KLHL22: variants seen among roughly 807,000 people sequenced by gnomAD.
KLHL22 encodes kelch like family member 22, also known as kelch-like protein 22.
KLHL22 carries 18 observed loss-of-function variants against 60.7 expected under a neutral mutation model. That is an observed-to-expected ratio of 0.30 (90% CI 0.20 to 0.44). The LOEUF (loss-of-function observed/expected upper bound fraction) is 0.44, where lower values mean the gene tolerates loss of function less well. Ranked by LOEUF, KLHL22 falls within the 20% of genes least tolerant of loss-of-function variation. The probability of loss-of-function intolerance (pLI) is 1.00; values close to 1 mark genes in which losing one functional copy is unlikely to be tolerated. For missense variants in KLHL22, 596 were observed against 852.3 expected, an observed-to-expected ratio of 0.70 and a Z score of 3.74; for synonymous variants, 355 against 354.5, an observed-to-expected ratio of 1.00 and a Z score of -0.01.
rs765043448 is a variant in KLHL22, at chr22:20,489,158, T to C, written c.54A>G (p.Ser18=). The change falls in exon 2 of 7, where the codon TCA becomes TCG. Residue 18 remains serine, a synonymous_variant. Transcript: ENST00000328879. ...AGGTGTTGTTCACGCAGTGTGGGTG[T>C]GAGGGCTGTGCAGGCAACTTGCAGA... ...TQLCKLPAQP[S]HPHCVNNTYR... is the part of the protein sequence containing the mutation. 2.5e-6 allele frequency: 4 copies of C among 1,614,016 alleles called. No individual in the cohort carries two copies. Among genetic ancestry groups the C allele is most frequent in the Non-Finnish European group, 3.4e-6 (4 of 1,180,042 alleles).
At chr22:20,487,972 T>C (rs185229347) in intron 2 of KLHL22, among the ~76,000 whole-genome samples, 35 of 152,230 alleles carry the variant, frequency 2.3e-4, no homozygotes, top group African/African-American at 8.2e-4. Flanking sequence ...TTAATGCTTA[T>C]TAAAGGCCTC....
intron 2 of KLHL22, among the ~76,000 whole-genome samples, chr22:20,476,132 C>A (rs1255432498): frequency 6.6e-6 from 1 of 152,318 alleles, no homozygotes; most frequent in Non-Finnish European, 1.5e-5. Flanking sequence ...ATTTGGAAGT[C>A]TTATAAGTCA....
intron 5 of KLHL22, among the ~76,000 whole-genome samples, chr22:20,448,824 C>T (rs2052924454): frequency 6.6e-6 from 1 of 152,084 alleles, no homozygotes; most frequent in South Asian, 2.1e-4. Context: ...ATTTCACATT[C>T]CTATCAGCAA....
intron 1 of KLHL22, among the ~76,000 whole-genome samples, chr22:20,493,832 G>A (rs1347447745): frequency 1.3e-5 from 2 of 149,626 alleles, no homozygotes; most frequent in Non-Finnish European, 3.0e-5. Context: ...GGAGGCCAAC[G>A]TGGGAGGATC....
chr22:20,482,480 C>T (rs1191944727), intron 2 of KLHL22, among the ~76,000 whole-genome samples: 1 of 152,132 alleles, frequency 6.6e-6, no homozygotes, highest in African/African-American at 2.4e-5. Context: ...TAGCCTTGAC[C>T]TCCCCAGGTT....
intron 4 of KLHL22, among the ~76,000 whole-genome samples, chr22:20,460,303 C>T (rs1031454599): frequency 5.9e-4 from 89 of 152,112 alleles, no homozygotes; most frequent in African/African-American, 2.1e-3. Flanking sequence ...GGATTTGTGG[C>T]TTCAAATTTA....
At chr22:20,475,015 C>T (rs187211739) in intron 2 of KLHL22, among the ~76,000 whole-genome samples, 105 of 152,294 alleles carry the variant, frequency 6.9e-4, no homozygotes, top group Middle Eastern at 6.8e-3. Context: ...AGAAAATCTC[C>T]TTATATGTTA....
chr22:20,444,256 C>T (rs1463015874), intron 6 of KLHL22, among the ~76,000 whole-genome samples: 1 of 152,092 alleles, frequency 6.6e-6, no homozygotes, highest in Non-Finnish European at 1.5e-5. Context: ...ATTCTTCTAA[C>T]CAGAGTGAGC....
intron 2 of KLHL22, among the ~76,000 whole-genome samples, chr22:20,485,724 C>T (rs1347736535): frequency 3.9e-5 from 6 of 151,982 alleles, no homozygotes; most frequent in African/African-American, 9.7e-5. Context: ...AAAAATTAGC[C>T]GGGTTTGGTG....
Position 20,441,861 on chromosome 22 carries a change from G to A in KLHL22, c.*212C>T, listed in dbSNP as rs896082575. On this transcript the variant is annotated 3_prime_UTR_variant, in exon 7 of 7. Transcript: ENST00000328879. ...GCCTTTCAGAAGCAGTTCCTGCAGT[G>A]ACGTAATCCACAGCCTGGGATCTGC... The A allele has an allele frequency of 2.3e-6, 1 of 435,572 alleles. No homozygotes were observed. The highest frequency in any genetic ancestry group is 4.0e-6 in the Non-Finnish European group (1 of 252,454). 27.0% of individuals were successfully genotyped at this position (435,572 alleles called of 1,614,324 possible). A position where few individuals can be genotyped will look rare whatever the true frequency, so the allele number is the denominator to read the frequency against.
chr22:20,472,497 G>A (rs1010349046), intron 2 of KLHL22, among the ~76,000 whole-genome samples: 2 of 151,426 alleles, frequency 1.3e-5, no homozygotes, highest in Middle Eastern at 3.2e-3. Context: ...AGGGCAAGGC[G>A]GGCAGATCAC....
rs569587425 is a variant in KLHL22 at position 20,486,743 on chromosome 22, G to A, written c.227+2242C>T. On this transcript the variant is annotated intron_variant, in intron 2 of 6. Transcript: ENST00000328879. Reference sequence around the variant, plus strand: ...GTTGCCCAGGCTGGAATGCAGTGGCGCAATCTCGGCTCACTGCAACCTCCG... The same window carrying A: ...GTTGCCCAGGCTGGAATGCAGTGGCACAATCTCGGCTCACTGCAACCTCCG... Among the ~76,000 whole-genome samples, 20 of 150,176 alleles carry A rather than the reference G, an allele frequency of 1.3e-4. 1 individual carries two copies. The East Asian group carries it at 1.8e-3, about 13-fold the overall frequency.
intron 2 of KLHL22, among the ~76,000 whole-genome samples, chr22:20,484,677 C>G (rs1280986866): frequency 6.6e-6 from 1 of 151,902 alleles, no homozygotes; most frequent in East Asian, 1.9e-4. Flanking sequence ...AACAATCTGC[C>G]CACCTTGGCC....
chr22:20,451,439 A>T (rs1011381389), intron 5 of KLHL22: 1 of 1,606,128 alleles, frequency 6.2e-7, no homozygotes, highest in African/African-American at 1.3e-5. Context: ...AATATCTTAA[A>T]TTCAGTTGAG....
intron 3 of KLHL22, among the ~76,000 whole-genome samples, chr22:20,466,393 AAAAAG>A (rs2053237053): frequency 6.6e-6 from 1 of 151,216 alleles, no homozygotes; most frequent in Admixed American, 6.6e-5. Flanking sequence ...AAAAAAAAAA[AAAAAG>A]AAGTACTGGC....
rs529380366 is a variant in KLHL22 at position 20,489,595 on chromosome 22, A to G, written c.-33-351T>C. 1.8e-3 allele frequency among the ~76,000 whole-genome samples: 269 copies of G among 152,288 alleles called. 1 individual carries two copies. The highest frequency in any genetic ancestry group is 0.01 in the South Asian group (49 of 4,818). ...ACCAAACTGAGCCTCGAGCTCCCCA[A>G]TTTTAAAAAGAGAGATAAAAGTACC... On this transcript the variant is annotated intron_variant, in intron 1 of 6. Transcript: ENST00000328879.
At chr22:20,470,593 G>A (rs577727149) in intron 3 of KLHL22, among the ~76,000 whole-genome samples, 1 of 152,306 alleles carries the variant, frequency 6.6e-6, no homozygotes, top group East Asian at 1.9e-4. Context: ...AGGCTGCAGT[G>A]AGCTGTGATC....
At chr22:20,487,077 G>T (rs575187245) in intron 2 of KLHL22, among the ~76,000 whole-genome samples, 2 of 148,686 alleles carry the variant, frequency 1.3e-5, no homozygotes, top group South Asian at 4.3e-4. Context: ...GTGCCACCAC[G>T]CCCCGCTAGT....
chr22:20,479,683 A>C (rs2053468554), intron 2 of KLHL22, among the ~76,000 whole-genome samples: 2 of 152,184 alleles, frequency 1.3e-5, no homozygotes, highest in Non-Finnish European at 2.9e-5. Context: ...GTGACAGAGC[A>C]AAATCCTGTC....
Sources: gnomAD v4.1 joint callset for allele counts (sites outside exome capture counted in the v4.1 genomes callset) on GRCh38, gnomAD v4.1.1 for gene constraint, MANE v1.5 for transcripts, NCBI Gene and HGNC (gene_info 2026-07-23, HGNC 2026-07-21) for gene names.